STAT4: variants seen among roughly 807,000 people sequenced by gnomAD.
The protein encoded by STAT4 is signal transducer and activator of transcription 4.
Under a neutral mutation model 110.5 loss-of-function variants are expected in STAT4, and 42 were observed. The observed-to-expected ratio is 0.38, with a 90% CI of 0.30 to 0.49. The LOEUF (loss-of-function observed/expected upper bound fraction) is 0.49, where lower values mean the gene tolerates loss of function less well. Ranked by LOEUF, STAT4 falls within the 20% of genes least tolerant of loss-of-function variation. STAT4 has a pLI of 0.95. For missense variants in STAT4, 632 were observed against 887.9 expected, an observed-to-expected ratio of 0.71 and a Z score of 3.66; for synonymous variants, 284 against 302.2, an observed-to-expected ratio of 0.94 and a Z score of 0.63.
At chr2:191,057,327 G>A (rs897725554) in intron 13 of STAT4, among the ~76,000 whole-genome samples, 1 of 152,094 alleles carries the variant, frequency 6.6e-6, no homozygotes, top group African/African-American at 2.4e-5. Context: ...CATCCATGTT[G>A]CTGCGTATGA....
intron 3 of STAT4, among the ~76,000 whole-genome samples, chr2:191,130,201 T>C (rs1436950389): frequency 6.7e-6 from 1 of 149,408 alleles, no homozygotes; most frequent in East Asian, 2.0e-4. Flanking sequence ...GTTACTGTTT[T>C]GGCTTTCAGT....
Position 191,058,147 on chromosome 2 carries a change from G to A in STAT4, c.1113-36C>T. On this transcript the variant is annotated intron_variant, in intron 12 of 23. Transcript: ENST00000392320. The surrounding 1 kb of genome is among the most constrained non-coding windows in gnomAD (Gnocchi z 4.3). ...AATCTTAGCTATTTACATGGTCTCA[G>A]GTAAAATAAATTTACAAGAGCAGCA... 1.2e-6 allele frequency: 2 copies of A among 1,612,516 alleles called. No homozygotes were observed. Among genetic ancestry groups the A allele is most frequent in the Non-Finnish European group, 1.7e-6 (2 of 1,178,700 alleles).
In STAT4 at chr2:191,117,890, A is replaced by G. The variant is rs1698613980; in HGVS notation, c.273+28723T>C. On this transcript the variant is annotated intron_variant, in intron 3 of 23. Coordinates refer to ENST00000392320, the MANE Select transcript of STAT4 (RefSeq NM_003151.4). The surrounding 1 kb of genome is among the most constrained non-coding windows in gnomAD (Gnocchi z 5.2). Reference sequence around the variant, plus strand: ...AATCTACACTTTTAACAAGTTCCCCAAGTGATTTTTGTAATGAAACACAAA... The same window carrying G: ...AATCTACACTTTTAACAAGTTCCCCGAGTGATTTTTGTAATGAAACACAAA... Among the ~76,000 whole-genome samples the G allele has an allele frequency of 6.6e-6, 1 of 152,160 alleles. No homozygotes were observed. Among genetic ancestry groups the G allele is most frequent in the South Asian group, 2.1e-4 (1 of 4,828 alleles).
chr2:191,043,498 T>G lies in STAT4; in HGVS notation c.1252-2350A>C, dbSNP rs899883911. On this transcript the variant is annotated intron_variant, in intron 14 of 23. Coordinates refer to ENST00000392320, the MANE Select transcript of STAT4 (RefSeq NM_003151.4). This position sits in a 1 kb window ranked among gnomAD's most constrained non-coding sequence, Gnocchi z 4.8. Reference sequence around the variant, plus strand: ...TGTTACAATCACTTTGGAGAACAATTCCTCAGTATCTAGAAAAGTAGAAGA... The same window carrying G: ...TGTTACAATCACTTTGGAGAACAATGCCTCAGTATCTAGAAAAGTAGAAGA... 1.3e-5 allele frequency among the ~76,000 whole-genome samples: 2 copies of G among 152,168 alleles called. No individual in the cohort carries two copies. The highest frequency in any genetic ancestry group is 4.8e-5 in the African/African-American group (2 of 41,438).
Position 191,150,602 on chromosome 2 carries a change from G to A in STAT4, c.-2+345C>T, listed in dbSNP as rs1030292990. The stretch of plus-strand genomic sequence containing the variant: ...ATCCAGGTACGCTAATCTAAAGTCA[G>A]ACATCACAGCTCTAGAGAAGCTGGC... On this transcript the variant is annotated intron_variant, in intron 1 of 23. Coordinates refer to ENST00000392320, the MANE Select transcript of STAT4 (RefSeq NM_003151.4). The surrounding 1 kb of genome is among the most constrained non-coding windows in gnomAD (Gnocchi z 6.4). Among the ~76,000 whole-genome samples the A allele has an allele frequency of 5.3e-5, 8 of 152,196 alleles. No homozygotes were observed. Among genetic ancestry groups the A allele is most frequent in the African/African-American group, 1.9e-4 (8 of 41,446 alleles).
At chr2:191,044,676 A>C (rs1379151554) in intron 14 of STAT4, among the ~76,000 whole-genome samples, 1 of 152,200 alleles carries the variant, frequency 6.6e-6, no homozygotes, top group Non-Finnish European at 1.5e-5. Context: ...CAACTACCCC[A>C]CAATTGCACA....
In STAT4 at chr2:191,142,882, A is replaced by G. The variant is rs1257638469; in HGVS notation, c.273+3731T>C. ...TTCAGGGGCCATGAAACTCTCTAGT[A>G]TGATATTGTAATGGTAGATATATGA... On this transcript the variant is annotated intron_variant, in intron 3 of 23. Coordinates refer to ENST00000392320, the MANE Select transcript of STAT4 (RefSeq NM_003151.4). This position sits in a 1 kb window ranked among gnomAD's most constrained non-coding sequence, Gnocchi z 4.1. Among the ~76,000 whole-genome samples the G allele has an allele frequency of 6.6e-6, 1 of 152,190 alleles. No homozygotes were observed. The highest frequency in any genetic ancestry group is 2.4e-5 in the African/African-American group (1 of 41,452).
At chr2:191,108,268 G>C (rs760753825) in intron 3 of STAT4, among the ~76,000 whole-genome samples, 2 of 150,482 alleles carry the variant, frequency 1.3e-5, no homozygotes, top group African/African-American at 4.9e-5. Flanking sequence ...TCCAGCCTGG[G>C]TGACAGATTG....
chr2:191,126,334 T>C (rs1286249898), intron 3 of STAT4, among the ~76,000 whole-genome samples: 4 of 152,254 alleles, frequency 2.6e-5, no homozygotes, highest in Non-Finnish European at 4.4e-5. Context: ...ATGGCTTTCT[T>C]ATAGGTCTTC....
chr2:191,056,875 C>T (rs375222617), intron 13 of STAT4, among the ~76,000 whole-genome samples: 3 of 151,042 alleles, frequency 2.0e-5, no homozygotes, highest in African/African-American at 7.3e-5. Context: ...CTCCGCCTCC[C>T]GGGTTCAAGC....
intron 3 of STAT4, among the ~76,000 whole-genome samples, chr2:191,078,585 A>G (rs1233629472): frequency 1.3e-5 from 2 of 152,164 alleles, no homozygotes; most frequent in African/African-American, 2.4e-5. Flanking sequence ...CCTAAGTATC[A>G]AAGACATACT....
At position 191,051,253 on chromosome 2, in the gene STAT4, A is replaced by T. The variant is rs1423206462; in HGVS notation, c.1251+3237T>A. ...AAGGAGAAAGATCAGCAGTTGTCTG[A>T]AGTTAGGTATCACGTTTTAGAGCCC... On this transcript the variant is annotated intron_variant, in intron 14 of 23. Coordinates refer to ENST00000392320, the MANE Select transcript of STAT4 (RefSeq NM_003151.4). The surrounding 1 kb of genome is among the most constrained non-coding windows in gnomAD (Gnocchi z 5.6). Among the ~76,000 whole-genome samples the T allele has an allele frequency of 6.6e-6, 1 of 152,188 alleles. No individual in the cohort carries two copies. The highest frequency in any genetic ancestry group is 6.5e-5 in the Admixed American group (1 of 15,282).
chr2:191,149,003 T>C (rs1699526155), intron 1 of STAT4, among the ~76,000 whole-genome samples: 1 of 152,154 alleles, frequency 6.6e-6, no homozygotes, highest in African/African-American at 2.4e-5. Context: ...AAAGTACGCA[T>C]TTCCCCCTTG....
intron 3 of STAT4, among the ~76,000 whole-genome samples, chr2:191,109,442 G>A (rs756108413): frequency 5.9e-5 from 9 of 151,914 alleles, no homozygotes; most frequent in Admixed American, 2.6e-4. Flanking sequence ...CTCTGTGTTC[G>A]GTTTGTCTAT....
intron 3 of STAT4, among the ~76,000 whole-genome samples, chr2:191,145,952 G>A (rs1352663928): frequency 6.6e-6 from 1 of 152,166 alleles, no homozygotes; most frequent in Admixed American, 6.5e-5. Context: ...AGTAAACATT[G>A]CACATCTACC....
Position 191,033,458 on chromosome 2 carries a change from T to C in STAT4, c.1852+32A>G. 2 of 1,584,416 alleles carry C rather than the reference T, an allele frequency of 1.3e-6. No homozygotes were observed. The highest frequency in any genetic ancestry group is 2.3e-5 in the South Asian group (2 of 86,312). ...CAGTAACCAAATTTAAGAAAACTAA[T>C]TTCACATGAATAAACATTAGTGAGT... On this transcript the variant is annotated intron_variant, in intron 20 of 23. Coordinates refer to ENST00000392320, the MANE Select transcript of STAT4 (RefSeq NM_003151.4). This position sits in a 1 kb window ranked among gnomAD's most constrained non-coding sequence, Gnocchi z 6.9.
intron 3 of STAT4, among the ~76,000 whole-genome samples, chr2:191,088,679 T>A (rs1439538417): frequency 6.6e-6 from 1 of 152,202 alleles, no homozygotes; most frequent in African/African-American, 2.4e-5. Context: ...TGGGACTTAG[T>A]ATAAACCTAT....
rs181679089 is a variant in STAT4 at position 191,123,670 on chromosome 2, C to T, written c.273+22943G>A. On this transcript the variant is annotated intron_variant, in intron 3 of 23. Transcript: ENST00000392320. ...CCTCGAATTGGGCAAAATCGTCTAA[C>T]ACAAAACCTATTAGGTAATAAAGTG... 7.5e-4 allele frequency among the ~76,000 whole-genome samples: 115 copies of T among 152,318 alleles called. 1 individual carries two copies. The highest frequency in any genetic ancestry group is 2.7e-3 in the African/African-American group (113 of 41,570).
rs1696344381 is a variant in STAT4, at chr2:191,046,149, G to A, written c.1252-5001C>T. On this transcript the variant is annotated intron_variant, in intron 14 of 23. Coordinates refer to ENST00000392320, the MANE Select transcript of STAT4 (RefSeq NM_003151.4). The surrounding 1 kb of genome is among the most constrained non-coding windows in gnomAD (Gnocchi z 4.6). ...CTTTCACATTATCTCTGAGTTCAAT[G>A]GTGCAGAACATTTGAGAGGCCTCAG... Among the ~76,000 whole-genome samples the A allele has an allele frequency of 6.6e-6, 1 of 152,156 alleles. No individual in the cohort carries two copies. The highest frequency in any genetic ancestry group is 1.5e-5 in the Non-Finnish European group (1 of 68,038).
Sources: gnomAD v4.1 joint callset for allele counts (sites outside exome capture counted in the v4.1 genomes callset) on GRCh38, gnomAD v4.1.1 for gene constraint, Gnocchi (gnomAD v3.1) non-coding constraint, MANE v1.5 for transcripts, NCBI Gene and HGNC (gene_info 2026-07-23, HGNC 2026-07-21) for gene names.